Variants in TGM6 observed in about 807,000 individuals in gnomAD.
TGM6 encodes the protein protein-glutamine gamma-glutamyltransferase 6.
Under a neutral mutation model 77.5 loss-of-function variants are expected in TGM6, and 74 were observed. That is an observed-to-expected ratio of 0.96 (90% CI 0.79 to 1.16). The LOEUF (loss-of-function observed/expected upper bound fraction) is 1.16. Among genes scored for constraint, TGM6 ranks in the 50% most tolerant of loss-of-function variants. The probability of loss-of-function intolerance (pLI) is 0.00; values close to 1 mark genes in which losing one functional copy is unlikely to be tolerated. For missense variants in TGM6, 968 were observed against 940.2 expected, an observed-to-expected ratio of 1.03 and a Z score of -0.39; for synonymous variants, 383 against 378.9, an observed-to-expected ratio of 1.01 and a Z score of -0.12.
chr20:2,395,498 C>A (rs2084659017), intron 3 of TGM6, 62 bp downstream of exon 3: 8 of 1,613,580 alleles, frequency 5.0e-6, no homozygotes, highest in East Asian at 4.5e-5. Flanking sequence ...GGAGAGCCTG[C>A]CCTTGGAGGG....
intron 1 of TGM6, among the ~76,000 whole-genome samples, chr20:2,388,412 C>A (rs188024303): frequency 6.6e-6 from 1 of 152,254 alleles, no homozygotes; most frequent in East Asian, 1.9e-4. Flanking sequence ...ATAAAGGCAC[C>A]ATAGCCTGGG....
At chr20:2,409,644 G>A (rs1161207365) in intron 9 of TGM6, among the ~76,000 whole-genome samples, 6 of 151,798 alleles carry the variant, frequency 4.0e-5, no homozygotes, top group East Asian at 1.9e-4. Context: ...CCTGGGAGGC[G>A]GAGGTTGCAG....
At chr20:2,390,507 C>G (rs943769682) in intron 1 of TGM6, among the ~76,000 whole-genome samples, 1 of 152,202 alleles carries the variant, frequency 6.6e-6, no homozygotes, top group African/African-American at 2.4e-5. Flanking sequence ...CCTCAGTTTC[C>G]TCATTCATTC....
intron 5 of TGM6, among the ~76,000 whole-genome samples, chr20:2,399,156 A>AAAAAAAAAG (rs1555799792): frequency 6.8e-6 from 1 of 146,520 alleles, no homozygotes. Flanking sequence ...AAAAAAAAAA[A>AAAAAAAAAG]AGAATAATGA....
intron 1 of TGM6, among the ~76,000 whole-genome samples, chr20:2,385,881 G>A (rs192683993): frequency 6.6e-6 from 1 of 152,192 alleles, no homozygotes; most frequent in South Asian, 2.1e-4. Flanking sequence ...AACCCAGGGA[G>A]GGGGAGACTC....
intron 10 of TGM6, among the ~76,000 whole-genome samples, chr20:2,427,255 T>C (rs1012309413): frequency 1.2e-4 from 19 of 152,174 alleles, no homozygotes; most frequent in Non-Finnish European, 1.9e-4. Context: ...AACTGGTCCC[T>C]TTTATCTGGA....
chr20:2,390,093 C>G (rs190880665), intron 1 of TGM6, among the ~76,000 whole-genome samples: 1 of 152,138 alleles, frequency 6.6e-6, no homozygotes, highest in Non-Finnish European at 1.5e-5. Flanking sequence ...TCCTGTAAGT[C>G]CTCTCTAATA....
chr20:2,382,605 C>T (rs986251643), intron 1 of TGM6, among the ~76,000 whole-genome samples: 2 of 152,194 alleles, frequency 1.3e-5, no homozygotes. Context: ...TGTAAATGGA[C>T]TATGTGTTGG....
At chr20:2,421,936 A>G (rs2084858890) in intron 10 of TGM6, among the ~76,000 whole-genome samples, 1 of 152,142 alleles carries the variant, frequency 6.6e-6, no homozygotes, top group African/African-American at 2.4e-5. Context: ...GTTTGAGACC[A>G]GCCTGGTCAA....
Position 2,394,435 on chromosome 20 carries a change from G to T in TGM6, c.8-17G>T. 1 of 1,611,048 alleles carries T rather than the reference G, an allele frequency of 6.2e-7. No homozygotes were observed. On this transcript the variant is annotated splice_polypyrimidine_tract_variant and intron_variant, in intron 1 of 12. Coordinates refer to ENST00000202625, the MANE Select transcript of TGM6 (RefSeq NM_198994.3). ...CAGGAGGCCGTGGCCTCATCTCCCT[G>T]TCCTCTCCCCACCCAGGGATCAGAG...
Position 2,417,443 on chromosome 20 carries a change from C to T in TGM6, c.1548C>T (p.Cys516=), listed in dbSNP as rs746786220. The part of the protein sequence containing the change: ...MLGHDLRLAL[C]LANLTSRAQR... ...GCCACGACCTGAGACTGGCCCTGTGCTTGGCCAACCTCACCTCCCGGGCCC... is the reference window on the plus strand; with the variant it reads ...GCCACGACCTGAGACTGGCCCTGTGTTTGGCCAACCTCACCTCCCGGGCCC... Residue 516 remains cysteine, a synonymous_variant, in exon 10 of 13, where the codon TGC becomes TGT. Transcript: ENST00000202625. The T allele has an allele frequency of 2.5e-6, 4 of 1,612,078 alleles. No homozygotes were observed. In the African/African-American group the frequency reaches 4.0e-5, roughly 16 times the overall value.
At chr20:2,415,145 CATTTTCATAGTAAAAATAT>C (rs1251243082) in intron 9 of TGM6, among the ~76,000 whole-genome samples, 2 of 152,126 alleles carry the variant, frequency 1.3e-5, no homozygotes, top group Non-Finnish European at 2.9e-5. Flanking sequence ...GGAAATGAAA[CATTTTCATAGTAAAAATAT>C]ATTGTACAGT....
chr20:2,404,407 A>G (rs2084735860), intron 9 of TGM6, among the ~76,000 whole-genome samples: 1 of 152,168 alleles, frequency 6.6e-6, no homozygotes, highest in South Asian at 2.1e-4. Flanking sequence ...TTCCTTAGCA[A>G]TGTTATGATC....
intron 1 of TGM6, among the ~76,000 whole-genome samples, chr20:2,389,708 G>A (rs987143524): frequency 6.6e-6 from 1 of 152,098 alleles, no homozygotes; most frequent in African/African-American, 2.4e-5. Context: ...ACATAGTTAA[G>A]TATGTAAATG....
intron 1 of TGM6, among the ~76,000 whole-genome samples, chr20:2,389,089 G>A (rs934704830): frequency 6.6e-6 from 1 of 152,166 alleles, no homozygotes. Flanking sequence ...CATAGGATAA[G>A]GCGGAGGTGA....
In TGM6 at chr20:2,432,514, G is replaced by A. The variant is rs1414271037; in HGVS notation, c.1992G>A (p.Glu664=). Residue 664 remains glutamate, a synonymous_variant, in exon 13 of 13, where the codon GAG becomes GAA. Coordinates refer to ENST00000202625, the MANE Select transcript of TGM6 (RefSeq NM_198994.3). ...GCGTGCCTACCCTGGAGCCTCAGGA[G>A]AGGGCCTCAGTCCAGTTTGACATCA... The part of the protein sequence containing the change: ...SIDVPTLEPQ[E]RASVQFDITP... 9 of 1,614,018 alleles carry A rather than the reference G, an allele frequency of 5.6e-6. No homozygotes were observed. The highest frequency in any genetic ancestry group is 7.6e-6 in the Non-Finnish European group (9 of 1,180,026).
chr20:2,424,397 T>C (rs779640544), intron 10 of TGM6, among the ~76,000 whole-genome samples: 1 of 152,236 alleles, frequency 6.6e-6, no homozygotes, highest in East Asian at 1.9e-4. Context: ...ACTTTTATGT[T>C]ATAGAGATGG....
chr20:2,387,950 GATT>G lies in TGM6; in HGVS notation c.8-6501_8-6499del, dbSNP rs1353587715. 4.6e-5 allele frequency among the ~76,000 whole-genome samples: 7 copies of G among 152,274 alleles called. No individual in the cohort carries two copies. In the South Asian group the frequency reaches 1.2e-3, roughly 27 times the overall value. On this transcript the variant is annotated intron_variant, in intron 1 of 12. Coordinates refer to ENST00000202625, the MANE Select transcript of TGM6 (RefSeq NM_198994.3). ...GAAGCCTTGGTTCGTCTCCAGGTGA[GATT>G]CTCCGTGGGCCATTTGGGTTTCTTC...
rs1378032828 is a variant in TGM6 at position 2,432,552 on chromosome 20, G to T, written c.2030G>T (p.Ser677Ile). 5 of 1,614,100 alleles carry T rather than the reference G, an allele frequency of 3.1e-6. No homozygotes were observed. Among genetic ancestry groups the T allele is most frequent in the Non-Finnish European group, 4.2e-6 (5 of 1,180,016 alleles). ...CAGTTTGACATCACCCCCTCCAAAA[G>T]TGGCCCAAGGCAGCTGCAGGTGGAC... ...SVQFDITPSK[S>I]GPRQLQVDLV... The change falls in exon 13 of 13, where the codon AGT becomes ATT. Residue 677 changes from serine to isoleucine, a missense_variant. Physicochemically the swap from Ser to Ile is moderately radical, Grantham distance 142. Transcript: ENST00000202625.
Sources: gnomAD v4.1 joint callset for allele counts (sites outside exome capture counted in the v4.1 genomes callset) on GRCh38, gnomAD v4.1.1 for gene constraint, MANE v1.5 for transcripts, NCBI Gene and HGNC (gene_info 2026-07-23, HGNC 2026-07-21) for gene names.